The following POLK variants were observed in gnomAD, a reference collection of about 807,000 sequenced individuals.
The protein encoded by POLK is DNA polymerase kappa.
Under a neutral mutation model 94.0 loss-of-function variants are expected in POLK, and 76 were observed. The observed-to-expected ratio is 0.81, with a 90% CI of 0.67 to 0.98. The LOEUF is 0.98. POLK is among the 50% of genes least tolerant of loss of function. The probability of loss-of-function intolerance (pLI) is 0.00; values close to 1 mark genes in which losing one functional copy is unlikely to be tolerated. For synonymous variants in POLK, 349 were observed against 325.4 expected (o/e 1.07, Z -0.78); for missense variants, 954 against 1,010.1 (o/e 0.94, Z 0.75).
downstream of POLK, among the ~76,000 whole-genome samples, chr5:75,603,157 T>C (rs1334228037): frequency 6.6e-6 from 1 of 152,212 alleles, no homozygotes; most frequent in Non-Finnish European, 1.5e-5. Flanking sequence ...ACAAATGTAT[T>C]TGTTTACTAC....
intron 12 of POLK, among the ~76,000 whole-genome samples, 178 bp downstream of exon 12, chr5:75,594,227 A>T (rs1772944413): frequency 6.6e-6 from 1 of 152,244 alleles, no homozygotes; most frequent in Non-Finnish European, 1.5e-5. Flanking sequence ...AGGTGGTTAC[A>T]TCCCGATAAA....
At chr5:75,586,584 T>C (rs1189711610) in intron 9 of POLK, among the ~76,000 whole-genome samples, 2 of 152,196 alleles carry the variant, frequency 1.3e-5, no homozygotes, top group Admixed American at 6.5e-5. Context: ...GGTTCTATTA[T>C]AGAGTGGTAT....
chr5:75,542,638 CATATACATATATACACATAT>C (rs1158161756), intron 1 of POLK, among the ~76,000 whole-genome samples: 1 of 146,696 alleles, frequency 6.8e-6, no homozygotes, highest in Non-Finnish European at 1.5e-5. Context: ...CATATATACA[CATATACATATATACACATAT>C]ATATATACAC....
intron 1 of POLK, among the ~76,000 whole-genome samples, chr5:75,532,271 G>A (rs1041470906): frequency 1.1e-4 from 17 of 152,050 alleles, no homozygotes; most frequent in African/African-American, 4.1e-4. Context: ...TCCAGTGTCT[G>A]TTGTTCCCTT....
At chr5:75,523,890 G>A (rs918849500) in intron 1 of POLK, among the ~76,000 whole-genome samples, 7 of 152,178 alleles carry the variant, frequency 4.6e-5, no homozygotes, top group African/African-American at 1.7e-4. Flanking sequence ...AGCACTTTGC[G>A]GGGCCGAGGC....
upstream of POLK, chr5:75,511,211 G>A (rs1323714017): frequency 6.2e-7 from 1 of 1,612,900 alleles, no homozygotes; most frequent in South Asian, 1.1e-5. Context: ...CCGACATGGA[G>A]GCTCGACAAC....
chr5:75,564,079 T>G (rs1467493449), intron 3 of POLK, among the ~76,000 whole-genome samples: 1 of 152,256 alleles, frequency 6.6e-6, no homozygotes, highest in East Asian at 1.9e-4. Context: ...TGGGTGCTAC[T>G]GCATTGGGTG....
intron 8 of POLK, 84 bp downstream of exon 8, chr5:75,583,501 T>A (rs1258320230): frequency 1.4e-5 from 11 of 763,946 alleles, no homozygotes; most frequent in Non-Finnish European, 2.0e-5. Context: ...AATCATTCTT[T>A]GCTTAAAAGT....
intron 4 of POLK, among the ~76,000 whole-genome samples, chr5:75,572,518 A>G (rs183941498): frequency 6.6e-6 from 1 of 152,200 alleles, no homozygotes; most frequent in Non-Finnish European, 1.5e-5. Context: ...TTATTTTATG[A>G]CTATTCTATA....
intron 3 of POLK, among the ~76,000 whole-genome samples, chr5:75,567,191 G>A: frequency 6.6e-6 from 1 of 152,076 alleles, no homozygotes; most frequent in Non-Finnish European, 1.5e-5. Context: ...TTTCCCATTT[G>A]ACTTGCTTTC....
At chr5:75,514,978 T>C (rs1050344104) in intron 1 of POLK, among the ~76,000 whole-genome samples, 1 of 152,230 alleles carries the variant, frequency 6.6e-6, no homozygotes. Flanking sequence ...TAGTTTTTCT[T>C]TAGTTTAACA....
chr5:75,519,497 T>C (rs955458592), intron 1 of POLK, among the ~76,000 whole-genome samples: 10 of 152,210 alleles, frequency 6.6e-5, no homozygotes, highest in African/African-American at 1.7e-4. Context: ...CCTACTATTA[T>C]TATATTGCAC....
chr5:75,596,046 ATTC>A (rs1773065211), intron 12 of POLK, among the ~76,000 whole-genome samples, 173 bp from the exon 13 acceptor site: 1 of 152,260 alleles, frequency 6.6e-6, no homozygotes, highest in African/African-American at 2.4e-5. Flanking sequence ...ATTTAATGAT[ATTC>A]TTTTATAAAG....
intron 10 of POLK, among the ~76,000 whole-genome samples, chr5:75,589,440 T>TACACAC (rs1772651919): frequency 9.4e-5 from 6 of 63,684 alleles, no homozygotes; most frequent in South Asian, 4.7e-4. Context: ...CACACACACG[T>TACACAC]GGAATATTTC....
intron 1 of POLK, among the ~76,000 whole-genome samples, chr5:75,527,638 A>T (rs1402207821): frequency 1.3e-5 from 2 of 152,092 alleles, no homozygotes; most frequent in Non-Finnish European, 2.9e-5. Context: ...TACTGTTGAC[A>T]TACCTGCTTT....
chr5:75,529,467 A>AAC (rs200900125), intron 1 of POLK, among the ~76,000 whole-genome samples: 1,791 of 152,292 alleles, frequency 0.012, 34 homozygotes, highest in African/African-American at 0.041. Flanking sequence ...TTTGGAGAGG[A>AAC]ACACACACAT....
chr5:75,554,470 A>G (rs1037463939), intron 3 of POLK, among the ~76,000 whole-genome samples: 1 of 152,044 alleles, frequency 6.6e-6, no homozygotes, highest in Non-Finnish European at 1.5e-5. Flanking sequence ...AAAAGATTAT[A>G]TATATATATA....
chr5:75,555,117 T>C (rs1156264393), intron 3 of POLK, among the ~76,000 whole-genome samples: 1 of 152,192 alleles, frequency 6.6e-6, no homozygotes, highest in African/African-American at 2.4e-5. Flanking sequence ...GGGGTACATT[T>C]GTTACAGTTT....
chr5:75,568,866 A>G (rs765695531), intron 3 of POLK: 1 of 219,626 alleles, frequency 4.6e-6, no homozygotes, highest in African/African-American at 2.4e-5. Context: ...TCAGTTGTTT[A>G]TTTTACTTAC....
Sources: gnomAD v4.1 joint callset for allele counts (sites outside exome capture counted in the v4.1 genomes callset) on GRCh38, gnomAD v4.1.1 for gene constraint, MANE v1.5 for transcripts, NCBI Gene and HGNC (gene_info 2026-07-23, HGNC 2026-07-21) for gene names.